The following SCHIP1 variants were observed in gnomAD, a reference collection of about 807,000 sequenced individuals.
SCHIP1 encodes the protein schwannomin interacting protein 1.
Under a neutral mutation model 29.7 loss-of-function variants are expected in SCHIP1, and 8 were observed. The observed-to-expected ratio is 0.27, with a 90% CI of 0.16 to 0.49. The LOEUF (loss-of-function observed/expected upper bound fraction) is 0.49. Among genes scored for constraint, SCHIP1 ranks in the 20% least tolerant of loss-of-function variants. SCHIP1 has a pLI of 0.99. For synonymous variants in SCHIP1, 76 were observed against 94.9 expected (o/e 0.80, Z 1.16); for missense variants, 193 against 294.6 (o/e 0.66, Z 2.52).
chr3:159,791,092 G>C, the SCHIP1 span, among the ~76,000 whole-genome samples: 1 of 152,128 alleles, frequency 6.6e-6, no homozygotes, highest in Non-Finnish European at 1.5e-5. Context: ...GATAACCTAA[G>C]GCAAGGGGAT....
At chr3:159,694,590 A>C in the SCHIP1 span, among the ~76,000 whole-genome samples, 1 of 150,050 alleles carries the variant, frequency 6.7e-6, no homozygotes, top group African/African-American at 2.5e-5. Flanking sequence ...GAAAGAAAGA[A>C]AGAAAGAAAG....
chr3:159,392,844 G>T, the SCHIP1 span, among the ~76,000 whole-genome samples: 5 of 152,078 alleles, frequency 3.3e-5, no homozygotes, highest in Admixed American at 3.3e-4. Context: ...GGGATGGCTG[G>T]GTCAAATGGT....
chr3:159,423,193 C>A, the SCHIP1 span, among the ~76,000 whole-genome samples: 1 of 152,230 alleles, frequency 6.6e-6, no homozygotes, highest in African/African-American at 2.4e-5. Flanking sequence ...TAGGGAGTGC[C>A]AGACAGTGGG....
the SCHIP1 span, among the ~76,000 whole-genome samples, chr3:159,669,752 G>A: frequency 3.3e-5 from 5 of 152,142 alleles, no homozygotes; most frequent in Admixed American, 1.3e-4. Flanking sequence ...CACTGAACAC[G>A]AAACCTAGGT....
At chr3:159,746,454 T>C in the SCHIP1 span, among the ~76,000 whole-genome samples, 1 of 152,222 alleles carries the variant, frequency 6.6e-6, no homozygotes, top group South Asian at 2.1e-4. Flanking sequence ...TACTCCTTGA[T>C]TAGACTCTAA....
chr3:159,380,777 A>G, the SCHIP1 span, among the ~76,000 whole-genome samples: 1 of 152,182 alleles, frequency 6.6e-6, no homozygotes, highest in African/African-American at 2.4e-5. Flanking sequence ...CAACTTTTTC[A>G]GTGCCACATA....
chr3:159,875,006 C>A (rs1577473026), intron 2 of SCHIP1, among the ~76,000 whole-genome samples: 1 of 142,894 alleles, frequency 7.0e-6, no homozygotes. Context: ...TTTGAAAGGC[C>A]ACTGGGTAGT....
the SCHIP1 span, among the ~76,000 whole-genome samples, chr3:159,523,630 C>T: frequency 5.3e-5 from 8 of 152,086 alleles, no homozygotes; most frequent in East Asian, 1.5e-3. Context: ...AGTGTGATTA[C>T]TCGTTCATGC....
the SCHIP1 span, among the ~76,000 whole-genome samples, chr3:159,544,644 T>C: frequency 6.6e-6 from 1 of 152,102 alleles, no homozygotes; most frequent in Non-Finnish European, 1.5e-5. Context: ...ATTTGAATAT[T>C]CTCTTTTATG....
chr3:159,824,296 T>C, the SCHIP1 span, among the ~76,000 whole-genome samples: 4 of 152,256 alleles, frequency 2.6e-5, no homozygotes, highest in Non-Finnish European at 5.9e-5. Context: ...AGAAGTGCTC[T>C]TGTTAATTTT....
chr3:159,508,279 A>G, the SCHIP1 span, among the ~76,000 whole-genome samples: 2 of 152,018 alleles, frequency 1.3e-5, no homozygotes, highest in Non-Finnish European at 2.9e-5. Context: ...ATTCTCTGAC[A>G]GTAGTTTGTA....
chr3:159,317,198 T>G, the SCHIP1 span, among the ~76,000 whole-genome samples: 1 of 152,194 alleles, frequency 6.6e-6, no homozygotes, highest in Non-Finnish European at 1.5e-5. Flanking sequence ...GTAGACTGAT[T>G]TCATCTTGAT....
intron 1 of SCHIP1, among the ~76,000 whole-genome samples, chr3:159,864,041 T>C (rs1188895630): frequency 6.6e-6 from 1 of 152,220 alleles, no homozygotes; most frequent in Non-Finnish European, 1.5e-5. Flanking sequence ...TATTTGGATA[T>C]TCAGCTATAC....
At chr3:159,378,234 T>C in the SCHIP1 span, among the ~76,000 whole-genome samples, 3 of 152,328 alleles carry the variant, frequency 2.0e-5, no homozygotes, top group South Asian at 6.2e-4. Context: ...AGCATTAGTG[T>C]GGCATCAGTA....
At chr3:159,833,133 T>C in the SCHIP1 span, among the ~76,000 whole-genome samples, 1 of 152,222 alleles carries the variant, frequency 6.6e-6, no homozygotes, top group Non-Finnish European at 1.5e-5. Flanking sequence ...ATTTCTGCTA[T>C]AACAAAGTCT....
At position 159,874,543 on chromosome 3, in the gene SCHIP1, A is replaced by G. The variant is rs545659969; in HGVS notation, c.149+8262A>G. Among the ~76,000 whole-genome samples, 141 of 152,336 alleles carry G rather than the reference A, an allele frequency of 9.3e-4. No individual in the cohort carries two copies. The South Asian group carries it at 0.02, about 21-fold the overall frequency. ...CTGGGAGCTGTTATCAACTGGACCA[A>G]TAACAGTGAATCCAGAGAGACTTCA... On this transcript the variant is annotated intron_variant, in intron 2 of 6. Transcript: ENST00000445224.
the SCHIP1 span, among the ~76,000 whole-genome samples, chr3:159,333,962 A>C: frequency 6.6e-6 from 1 of 152,270 alleles, no homozygotes; most frequent in African/African-American, 2.4e-5. Context: ...CTGTTGAGCC[A>C]AAAAAGATAA....
chr3:159,395,058 C>T, the SCHIP1 span, among the ~76,000 whole-genome samples: 7 of 152,132 alleles, frequency 4.6e-5, no homozygotes, highest in South Asian at 4.1e-4. Flanking sequence ...GTGTATGTGT[C>T]GAGGAATTTA....
the SCHIP1 span, among the ~76,000 whole-genome samples, chr3:159,393,906 G>A: frequency 3.3e-5 from 5 of 152,088 alleles, no homozygotes; most frequent in Non-Finnish European, 5.9e-5. Flanking sequence ...ACCTTGGGCA[G>A]TATGGCCATT....
Sources: gnomAD v4.1 joint callset for allele counts (sites outside exome capture counted in the v4.1 genomes callset) on GRCh38, gnomAD v4.1.1 for gene constraint, MANE v1.5 for transcripts, NCBI Gene and HGNC (gene_info 2026-07-23, HGNC 2026-07-21) for gene names.